Variants in CHN2 observed in about 807,000 individuals in gnomAD.
CHN2 encodes beta-chimaerin.
A neutral mutation model predicts 56.3 loss-of-function variants in CHN2; 35 were observed. The observed-to-expected ratio is 0.62, with a 90% CI of 0.47 to 0.82. The LOEUF is 0.82. CHN2 is among the 40% of genes least tolerant of loss of function. The pLI is 0.00. For missense variants in CHN2, 491 were observed against 580.5 expected, an observed-to-expected ratio of 0.85 and a Z score of 1.58; for synonymous variants, 210 against 212.8, an observed-to-expected ratio of 0.99 and a Z score of 0.12.
chr7:29,292,234 C>G (rs1345095001), intron 1 of CHN2, among the ~76,000 whole-genome samples: 1 of 152,056 alleles, frequency 6.6e-6, no homozygotes, highest in African/African-American at 2.4e-5. Context: ...TGCTGAGGAG[C>G]ATTACTATAA....
chr7:29,224,010 A>G (rs1014358805), intron 1 of CHN2, among the ~76,000 whole-genome samples: 3 of 152,154 alleles, frequency 2.0e-5, no homozygotes, highest in Admixed American at 1.3e-4. Flanking sequence ...AATCTTTTCT[A>G]TTTCAAGAAC....
At chr7:29,408,220 A>G (rs192070417) in intron 6 of CHN2, among the ~76,000 whole-genome samples, 4 of 151,942 alleles carry the variant, frequency 2.6e-5, no homozygotes, top group Admixed American at 2.6e-4. Context: ...ATTAAAAAAT[A>G]TATATTAAAA....
chr7:29,313,411 C>CA (rs1794731642), intron 1 of CHN2, among the ~76,000 whole-genome samples: 1 of 152,176 alleles, frequency 6.6e-6, no homozygotes. Context: ...AACATCTTCA[C>CA]AGAGCAGGTG....
At chr7:29,400,375 C>T (rs1227150612) in intron 5 of CHN2, 168 bp from the exon 6 acceptor site, 1 of 652,886 alleles carries the variant, frequency 1.5e-6, no homozygotes, top group Middle Eastern at 2.6e-4. Flanking sequence ...AACCATTATA[C>T]CGTCTCAAAG....
At chr7:29,195,250 G>C in intron 1 of CHN2, 1 of 417,774 alleles carries the variant, frequency 2.4e-6, no homozygotes, top group Non-Finnish European at 4.2e-6. Flanking sequence ...GGGGCTTGGA[G>C]TGCAGCGAGC....
In CHN2 at chr7:29,195,629, A is replaced by AGGGAGAGAGG. The variant is rs869037854; in HGVS notation, c.49+640_49+641insGGAGAGAGGG. On this transcript the variant is annotated intron_variant, in intron 1 of 12. Transcript: ENST00000222792. Reference sequence around the variant, plus strand: ...GAGAGAGAGAGAGAGAGAGAGAGAGAGTGTGTGTGTGTGTGTGTGTGAGAG... The same window carrying AGGGAGAGAGG: ...GAGAGAGAGAGAGAGAGAGAGAGAGAGGGAGAGAGGGTGTGTGTGTGTGTGTGTGTGAGAG... Among the ~76,000 whole-genome samples, 728 of 117,588 alleles carry AGGGAGAGAGG rather than the reference A, an allele frequency of 6.2e-3. 7 individuals are homozygous for AGGGAGAGAGG. The highest frequency in any genetic ancestry group is 0.025 in the African/African-American group (691 of 27,902). 77.1% of individuals were successfully genotyped at this position (117,588 alleles called of 152,430 possible).
intron 2 of CHN2, among the ~76,000 whole-genome samples, chr7:29,174,021 G>T (rs1241013115): frequency 6.6e-6 from 1 of 152,002 alleles, no homozygotes; most frequent in Non-Finnish European, 1.5e-5. Context: ...ATAATTGAGA[G>T]GCCCAGACAC....
chr7:29,258,541 A>G (rs1435456727), intron 1 of CHN2, among the ~76,000 whole-genome samples: 2 of 152,148 alleles, frequency 1.3e-5, no homozygotes, highest in Non-Finnish European at 2.9e-5. Context: ...AGTCTGTTGC[A>G]TCTCCCAGAA....
At chr7:29,146,724 G>T in exon 1 of CHN2, 1 of 1,550,526 alleles carries the variant, frequency 6.4e-7, no homozygotes, top group South Asian at 1.2e-5. Flanking sequence ...TTAATGAAGA[G>T]CATCGGCGGG....
At chr7:29,198,711 GTCT>G (rs1176926819) in intron 1 of CHN2, among the ~76,000 whole-genome samples, 1 of 152,128 alleles carries the variant, frequency 6.6e-6, no homozygotes, top group South Asian at 2.1e-4. Flanking sequence ...TTGCAAAATA[GTCT>G]TCTTAATAAT....
chr7:29,153,819 C>T (rs374584087), intron 2 of CHN2, among the ~76,000 whole-genome samples: 1 of 152,190 alleles, frequency 6.6e-6, no homozygotes, highest in East Asian at 1.9e-4. Flanking sequence ...ATCTACCTGC[C>T]TCGGCCTCTC....
chr7:29,362,792 C>T (rs1798845597), intron 2 of CHN2, among the ~76,000 whole-genome samples: 1 of 152,206 alleles, frequency 6.6e-6, no homozygotes, highest in South Asian at 2.1e-4. Context: ...TAGCTTCCTC[C>T]TCTTCCCCTA....
intron 12 of CHN2, among the ~76,000 whole-genome samples, chr7:29,511,001 T>TAACA (rs1217718648): frequency 1.3e-5 from 2 of 152,168 alleles, no homozygotes; most frequent in African/African-American, 4.8e-5. Context: ...ATTGGTGTTA[T>TAACA]AACATTGGAG....
At chr7:29,211,450 G>GCACACACACACA (rs148200755) in intron 1 of CHN2, among the ~76,000 whole-genome samples, 13 of 138,446 alleles carry the variant, frequency 9.4e-5, no homozygotes, top group Middle Eastern at 3.6e-3. Flanking sequence ...CTGCATGTTG[G>GCACACACACACA]CACACACACA....
At chr7:29,510,962 TC>T (rs1433386364) in intron 12 of CHN2, among the ~76,000 whole-genome samples, 4 of 151,776 alleles carry the variant, frequency 2.6e-5, no homozygotes, top group Admixed American at 1.3e-4. Context: ...TCTCTCTCTT[TC>T]ACTGCACATG....
chr7:29,280,318 A>G (rs1175089617), intron 1 of CHN2, among the ~76,000 whole-genome samples: 2 of 152,034 alleles, frequency 1.3e-5, no homozygotes, highest in African/African-American at 4.8e-5. Context: ...CAGGAGGCAG[A>G]GGTTGCAGTG....
chr7:29,166,109 T>G (rs181433568), intron 2 of CHN2, among the ~76,000 whole-genome samples: 41 of 152,238 alleles, frequency 2.7e-4, no homozygotes, highest in African/African-American at 9.6e-4. Flanking sequence ...CAGCTCACTG[T>G]AGCCTTGATT....
intron 1 of CHN2, among the ~76,000 whole-genome samples, chr7:29,287,512 C>G (rs747524898): frequency 7.2e-5 from 11 of 152,142 alleles, no homozygotes; most frequent in Non-Finnish European, 1.0e-4. Flanking sequence ...CTCATGGAGT[C>G]TTAGTGAGGG....
intron 9 of CHN2, among the ~76,000 whole-genome samples, chr7:29,502,865 C>G (rs1172387676): frequency 1.3e-5 from 2 of 152,054 alleles, no homozygotes; most frequent in Admixed American, 1.3e-4. Context: ...GCCCTGTATG[C>G]ATTAGGTATT....
Sources: gnomAD v4.1 joint callset for allele counts (sites outside exome capture counted in the v4.1 genomes callset) on GRCh38, gnomAD v4.1.1 for gene constraint, MANE v1.5 for transcripts, NCBI Gene and HGNC (gene_info 2026-07-23, HGNC 2026-07-21) for gene names.